Variants in TM4SF18 observed in about 807,000 individuals in gnomAD.
TM4SF18 encodes the protein transmembrane 4 L6 family member 18.
In TM4SF18, 22 loss-of-function variants were observed where a neutral mutation model predicts 23.8. The observed-to-expected ratio is 0.92, with a 90% CI of 0.66 to 1.32. The LOEUF (loss-of-function observed/expected upper bound fraction) is 1.32, where lower values mean the gene tolerates loss of function less well. TM4SF18 is among the 40% of genes most tolerant of loss of function. TM4SF18 has a pLI of 0.00. For missense variants in TM4SF18, 255 were observed against 240.3 expected, an observed-to-expected ratio of 1.06 and a Z score of -0.41; for synonymous variants, 87 against 87.9, an observed-to-expected ratio of 0.99 and a Z score of 0.06.
intron 4 of TM4SF18, 171 bp downstream of exon 4, chr3:149,324,709 G>T: frequency 1.3e-6 from 1 of 765,688 alleles, no homozygotes; most frequent in Non-Finnish European, 2.1e-6. Context: ...TCTAAACAAA[G>T]ATCTGTGCAA....
At chr3:149,332,405 CTT>C (rs1731105438) in intron 2 of TM4SF18, among the ~76,000 whole-genome samples, 1 of 152,124 alleles carries the variant, frequency 6.6e-6, no homozygotes, top group Non-Finnish European at 1.5e-5. Context: ...AGGAAATTGT[CTT>C]TTCCTCTGAG....
At chr3:149,331,001 A>G (rs1731074781) in intron 2 of TM4SF18, among the ~76,000 whole-genome samples, 1 of 152,226 alleles carries the variant, frequency 6.6e-6, no homozygotes, top group Non-Finnish European at 1.5e-5. Context: ...GAATCAATGC[A>G]TCTTATTTCC....
At chr3:149,329,616 T>C (rs1248588989) in intron 3 of TM4SF18, among the ~76,000 whole-genome samples, 3 of 152,188 alleles carry the variant, frequency 2.0e-5, no homozygotes, top group African/African-American at 7.2e-5. Flanking sequence ...TAAAGTGCTA[T>C]GCAAGTGTGA....
chr3:149,325,252 A>T (rs1175225019), intron 3 of TM4SF18, among the ~76,000 whole-genome samples: 3 of 152,176 alleles, frequency 2.0e-5, no homozygotes, highest in Admixed American at 2.0e-4. Context: ...TAGGTAATTT[A>T]CTAAATTTAT....
chr3:149,329,416 T>C (rs1221943765), intron 3 of TM4SF18, among the ~76,000 whole-genome samples: 2 of 152,152 alleles, frequency 1.3e-5, no homozygotes, highest in African/African-American at 4.8e-5. Context: ...GCATTAGTGT[T>C]GTTCCAAGCT....
chr3:149,322,292 G>A lies in TM4SF18; in HGVS notation c.555C>T (p.Ser185=). Reference sequence around the variant, plus strand: ...CTGAATAGCTTCCACACAGTATCTTGGATAGTTGCATGACTACTCTGATGA... The same window carrying A: ...CTGAATAGCTTCCACACAGTATCTTAGATAGTTGCATGACTACTCTGATGA... ...ICLIRVVMQL[S]KILCGSYSVI... Residue 185 remains serine, a synonymous_variant, in exon 5 of 6, where the codon TCC becomes TCT. Coordinates refer to ENST00000296059, the MANE Select transcript of TM4SF18 (RefSeq NM_138786.4). 2 of 1,613,916 alleles carry A rather than the reference G, an allele frequency of 1.2e-6. No homozygotes were observed. Among genetic ancestry groups the A allele is most frequent in the Non-Finnish European group, 1.7e-6 (2 of 1,179,920 alleles).
Position 149,325,036 on chromosome 3 carries a change from T to C in TM4SF18, c.268-14A>G, listed in dbSNP as rs373451340. On this transcript the variant is annotated splice_polypyrimidine_tract_variant and intron_variant, in intron 3 of 5. Transcript: ENST00000296059. ...TGACAGCAGTGTCTAAATTAAAACA[T>C]AGAAGCAGGTTAGTACCATAGAATG... The C allele has an allele frequency of 4.2e-4, 675 of 1,611,394 alleles. 1 individual carries two copies. The highest frequency in any genetic ancestry group is 6.3e-4 in the South Asian group (57 of 90,572).
chr3:149,321,608 G>C, intron 5 of TM4SF18, 116 bp from the exon 6 acceptor site: 1 of 610,568 alleles, frequency 1.6e-6, no homozygotes, highest in Non-Finnish European at 2.8e-6. Context: ...TGATAGAACA[G>C]AAAAAACATC....
At chr3:149,324,750 AC>A in intron 4 of TM4SF18, 129 bp downstream of exon 4, 1 of 1,181,288 alleles carries the variant, frequency 8.5e-7, no homozygotes, top group Non-Finnish European at 1.2e-6. Flanking sequence ...TAGTAAACTA[AC>A]AGGGAAATTC....
At position 149,318,806 on chromosome 3, in the gene TM4SF18, A is replaced by G. The variant is rs994155793; in HGVS notation, c.*2672T>C. Reference sequence around the variant, plus strand: ...TTTTAAATATTTTTCTGGTCTTTACATATCTCAAGGTTTATACATGTCTAC... The same window carrying G: ...TTTTAAATATTTTTCTGGTCTTTACGTATCTCAAGGTTTATACATGTCTAC... On this transcript the variant is annotated 3_prime_UTR_variant, in exon 6 of 6. Transcript: ENST00000296059. The G allele has an allele frequency of 6.6e-6, 1 of 152,200 alleles. No homozygotes were observed. Among genetic ancestry groups the G allele is most frequent in the Non-Finnish European group, 1.5e-5 (1 of 68,028 alleles). The allele number at this position is 152,200 out of a possible 1,614,324, so 9.4% of individuals were successfully genotyped here.
intron 4 of TM4SF18, among the ~76,000 whole-genome samples, chr3:149,323,743 A>G (rs888336634): frequency 2.6e-5 from 4 of 152,228 alleles, no homozygotes; most frequent in African/African-American, 9.6e-5. Context: ...GTGCACATTG[A>G]AAAAGAGCAG....
intron 3 of TM4SF18, among the ~76,000 whole-genome samples, chr3:149,329,674 T>C (rs573904664): frequency 6.6e-6 from 1 of 152,314 alleles, no homozygotes; most frequent in African/African-American, 2.4e-5. Context: ...ATGGTAGAAA[T>C]GCAGGAGCAC....
At chr3:149,333,480 C>CTT (rs1276134709) in intron 1 of TM4SF18, 33 bp downstream of exon 1, 32 of 391,480 alleles carry the variant, frequency 8.2e-5, no homozygotes, top group East Asian at 4.0e-4. Context: ...CTCTCTCTCT[C>CTT]TCTTTTTTTT....
intron 3 of TM4SF18, among the ~76,000 whole-genome samples, chr3:149,328,817 A>T (rs1248350563): frequency 5.9e-5 from 9 of 152,020 alleles, no homozygotes; most frequent in Admixed American, 5.2e-4. Flanking sequence ...TCTAGAACTT[A>T]CCTTGAAAAG....
Position 149,319,120 on chromosome 3 carries a change from A to C in TM4SF18, c.*2358T>G, listed in dbSNP as rs140135739. On this transcript the variant is annotated 3_prime_UTR_variant, in exon 6 of 6. Coordinates refer to ENST00000296059, the MANE Select transcript of TM4SF18 (RefSeq NM_138786.4). The stretch of plus-strand genomic sequence containing the variant: ...ATGCTGTGGTGGAGTCATTCAGCAA[A>C]CATCTATTAACAGTCCATTCAACGT... The C allele has an allele frequency of 3.3e-5, 5 of 152,326 alleles. No homozygotes were observed. In the East Asian group the frequency reaches 9.6e-4, roughly 29 times the overall value. The allele number at this position is 152,326 out of a possible 1,614,324, so 9.4% of individuals were successfully genotyped here.
chr3:149,326,819 A>G (rs1163615398), intron 3 of TM4SF18, among the ~76,000 whole-genome samples: 1 of 151,962 alleles, frequency 6.6e-6, no homozygotes, highest in East Asian at 1.9e-4. Flanking sequence ...CTGTAGGTCA[A>G]CTCCTATGCC....
chr3:149,326,118 CT>C, intron 3 of TM4SF18, among the ~76,000 whole-genome samples: 1 of 152,218 alleles, frequency 6.6e-6, no homozygotes, highest in East Asian at 1.9e-4. Context: ...TAAAAACATT[CT>C]ATTATTTTGT....
chr3:149,325,011 T>G lies in TM4SF18; in HGVS notation c.279A>C (p.Ser93=), dbSNP rs1730906735. The part of the protein sequence containing the change: ...NCSKKYVTLL[S]IIFSSLGIAF... ...CAATTCCGAGGGAAGAAAAGATAAT[T>G]GACAGCAGTGTCTAAATTAAAACAT... Residue 93 remains serine (S), a synonymous_variant, in exon 4 of 6, where the codon TCA becomes TCC. Coordinates refer to ENST00000296059, the MANE Select transcript of TM4SF18 (RefSeq NM_138786.4). The G allele has an allele frequency of 1.2e-6, 2 of 1,613,640 alleles. No individual in the cohort carries two copies. Among genetic ancestry groups the G allele is most frequent in the Admixed American group, 3.3e-5 (2 of 59,980 alleles).
chr3:149,326,155 A>G (rs941594085), intron 3 of TM4SF18, among the ~76,000 whole-genome samples: 1 of 152,154 alleles, frequency 6.6e-6, no homozygotes. Flanking sequence ...TTTGTACAGG[A>G]TCCAATAAAG....
Sources: gnomAD v4.1 joint callset for allele counts (sites outside exome capture counted in the v4.1 genomes callset) on GRCh38, gnomAD v4.1.1 for gene constraint, MANE v1.5 for transcripts, NCBI Gene and HGNC (gene_info 2026-07-23, HGNC 2026-07-21) for gene names.